The following RNF130 variants were observed in gnomAD, a reference collection of about 807,000 sequenced individuals.
RNF130 encodes ring finger protein 130.
A neutral mutation model predicts 44.6 loss-of-function variants in RNF130; 21 were observed. The observed-to-expected ratio is 0.47, with a 90% CI of 0.33 to 0.68. RNF130 has a LOEUF of 0.68. Among genes scored for constraint, RNF130 ranks in the 30% least tolerant of loss-of-function variants. RNF130 has a pLI of 0.02. For synonymous variants in RNF130, 214 were observed against 210.4 expected (o/e 1.02, Z -0.15); for missense variants, 479 against 560.6 (o/e 0.85, Z 1.47).
At chr5:180,036,481 A>T (rs770678465) in intron 2 of RNF130, among the ~76,000 whole-genome samples, 12 of 152,206 alleles carry the variant, frequency 7.9e-5, no homozygotes, top group Non-Finnish European at 1.3e-4. Context: ...AACTCCACAC[A>T]GCATAGCTTG....
At chr5:180,057,153 A>C (rs1185406985) in intron 1 of RNF130, among the ~76,000 whole-genome samples, 1 of 152,226 alleles carries the variant, frequency 6.6e-6, no homozygotes, top group Non-Finnish European at 1.5e-5. Flanking sequence ...ATGTAATTAG[A>C]GGACTGAAAC....
chr5:180,044,139 AATTATG>A (rs969231111), intron 1 of RNF130, among the ~76,000 whole-genome samples: 5 of 152,202 alleles, frequency 3.3e-5, no homozygotes, highest in Non-Finnish European at 4.4e-5. Flanking sequence ...ATATCTATAT[AATTATG>A]AGCCTTTAAA....
intron 3 of RNF130, among the ~76,000 whole-genome samples, chr5:179,991,179 T>C (rs1478088209): frequency 2.0e-5 from 3 of 152,212 alleles, no homozygotes; most frequent in South Asian, 4.1e-4. Flanking sequence ...CTGTTGTTTG[T>C]CTGATGGAGC....
intron 3 of RNF130, among the ~76,000 whole-genome samples, chr5:180,001,659 G>A (rs1417965994): frequency 6.6e-6 from 1 of 152,134 alleles, no homozygotes. Flanking sequence ...ATACAGTATT[G>A]ACTATAGACC....
At chr5:179,929,614 G>T (rs1761776547) in intron 7 of RNF130, among the ~76,000 whole-genome samples, 1 of 152,082 alleles carries the variant, frequency 6.6e-6, no homozygotes, top group Non-Finnish European at 1.5e-5. Context: ...TGGGCATGGG[G>T]GTGCATGCCT....
At chr5:179,986,683 C>T (rs935359192) in intron 3 of RNF130, among the ~76,000 whole-genome samples, 16 of 152,196 alleles carry the variant, frequency 1.1e-4, no homozygotes, top group African/African-American at 3.9e-4. Flanking sequence ...GTTTACATTT[C>T]TTCCAACTGT....
chr5:179,961,481 T>G (rs967245531), intron 8 of RNF130, among the ~76,000 whole-genome samples: 3 of 152,180 alleles, frequency 2.0e-5, no homozygotes, highest in African/African-American at 7.2e-5. Flanking sequence ...CCACATACTA[T>G]GATTTCTAAT....
At chr5:179,964,466 C>T (rs1243431419) in intron 7 of RNF130, 1 of 152,196 alleles carries the variant, frequency 6.6e-6, no homozygotes, top group Non-Finnish European at 1.5e-5. Context: ...TTTGAGTACA[C>T]ACTGACTAGG....
chr5:180,061,642 G>A (rs981640614), intron 1 of RNF130, among the ~76,000 whole-genome samples: 1 of 152,110 alleles, frequency 6.6e-6, no homozygotes, highest in Admixed American at 6.5e-5. Context: ...TCCTATGGCC[G>A]CCTTCTCTGT....
chr5:179,959,556 G>T (rs541784584), intron 8 of RNF130, among the ~76,000 whole-genome samples: 1 of 152,172 alleles, frequency 6.6e-6, no homozygotes, highest in Admixed American at 6.5e-5. Context: ...GAACCCGGGA[G>T]GTGGAGGTTG....
downstream of RNF130, among the ~76,000 whole-genome samples, chr5:179,951,120 GGA>G (rs1762117903): frequency 6.6e-6 from 1 of 152,162 alleles, no homozygotes; most frequent in Non-Finnish European, 1.5e-5. Flanking sequence ...GAATCTCAAT[GGA>G]TAGAGGTGTA....
At chr5:180,036,698 A>G (rs1247934606) in intron 2 of RNF130, among the ~76,000 whole-genome samples, 3 of 152,236 alleles carry the variant, frequency 2.0e-5, no homozygotes, top group Non-Finnish European at 4.4e-5. Context: ...CTTCGTCTTA[A>G]CCGGAAGTGC....
chr5:179,980,097 T>C, intron 4 of RNF130, 32 bp downstream of exon 4: 1 of 1,599,150 alleles, frequency 6.3e-7, no homozygotes, highest in South Asian at 1.1e-5. Context: ...CTGGATTACT[T>C]TTACGGTGCT....
intron 2 of RNF130, among the ~76,000 whole-genome samples, chr5:180,015,961 G>C (rs971126475): frequency 2.0e-5 from 3 of 152,174 alleles, no homozygotes; most frequent in African/African-American, 7.2e-5. Context: ...ACCTCTTAAA[G>C]AGAGTAGAAA....
intron 2 of RNF130, among the ~76,000 whole-genome samples, chr5:180,024,377 G>T (rs1763943689): frequency 6.6e-6 from 1 of 152,212 alleles, no homozygotes; most frequent in Non-Finnish European, 1.5e-5. Context: ...GAAACTGGGT[G>T]CAGGGTTTGC....
chr5:180,017,604 T>C (rs1375415586), intron 2 of RNF130, among the ~76,000 whole-genome samples: 1 of 152,200 alleles, frequency 6.6e-6, no homozygotes, highest in Non-Finnish European at 1.5e-5. Flanking sequence ...TTAACAACAC[T>C]TTCTACTTAT....
chr5:179,935,214 ACTCT>A (rs1428044017), intron 7 of RNF130, among the ~76,000 whole-genome samples: 2 of 152,130 alleles, frequency 1.3e-5, no homozygotes, highest in Non-Finnish European at 2.9e-5. Flanking sequence ...CAGAAAACAT[ACTCT>A]ACAGATTTCA....
intron 3 of RNF130, among the ~76,000 whole-genome samples, chr5:180,012,333 A>G (rs1763611968): frequency 6.6e-6 from 1 of 152,192 alleles, no homozygotes; most frequent in Admixed American, 6.5e-5. Flanking sequence ...GTCACTTCTT[A>G]GTTTTCTACA....
At chr5:180,062,435 C>T (rs532157767) in intron 1 of RNF130, among the ~76,000 whole-genome samples, 55 of 152,242 alleles carry the variant, frequency 3.6e-4, no homozygotes, top group Middle Eastern at 6.8e-3. Flanking sequence ...CCACCAAAGG[C>T]CCCACCTCTT....
Sources: allele counts gnomAD v4.1 joint callset (sites outside exome capture counted in the v4.1 genomes callset), GRCh38; gene constraint gnomAD v4.1.1; transcripts MANE v1.5; gene names NCBI Gene and HGNC (gene_info 2026-07-23, HGNC 2026-07-21).